Variants in EPHB1 observed in about 807,000 individuals in gnomAD.
EPHB1 encodes the protein ephrin type-B receptor 1.
EPHB1 carries 30 observed loss-of-function variants against 94.4 expected under a neutral mutation model. The observed-to-expected ratio is 0.32, with a 90% CI of 0.24 to 0.43. EPHB1 has a LOEUF of 0.43. Among genes scored for constraint, EPHB1 ranks in the 20% least tolerant of loss-of-function variants. The pLI is 1.00. For synonymous variants in EPHB1, 522 were observed against 489.1 expected (o/e 1.07, Z -0.89); for missense variants, 1,055 against 1,308.3 (o/e 0.81, Z 2.99).
rs1231609505 is a variant in EPHB1 at position 135,087,563 on chromosome 3, A to G, written c.806-18885A>G. ...TGCTGATGGGCAGCAGCCTGGCTGC[A>G]TCTGTCCCTAACATCCCATCCTGAA... On this transcript the variant is annotated intron_variant, in intron 3 of 15. Transcript: ENST00000398015. 3.7e-4 allele frequency among the ~76,000 whole-genome samples: 57 copies of G among 152,184 alleles called. 1 individual carries two copies. The highest frequency in any genetic ancestry group is 1.5e-5 in the Non-Finnish European group (1 of 68,040).
intron 1 of EPHB1, among the ~76,000 whole-genome samples, chr3:134,913,845 C>T (rs36206): frequency 0.64 from 98,006 of 152,164 alleles, 34,073 homozygotes; most frequent in African/African-American, 0.91. Flanking sequence ...TGCAGTTCCA[C>T]GTCTCAGTGT....
At position 135,249,335 on chromosome 3, in the gene EPHB1, G is replaced by T; in HGVS notation, c.2691-1G>T. 2.5e-6 allele frequency: 4 copies of T among 1,610,214 alleles called. No individual in the cohort carries two copies. Among genetic ancestry groups the T allele is most frequent in the Non-Finnish European group, 3.4e-6 (4 of 1,178,396 alleles). On this transcript the variant is annotated splice_acceptor_variant, in intron 14 of 15. Transcript: ENST00000398015. LOFTEE classifies it high-confidence loss of function. ...TCACCTGCCCATCTCTGTCTCACCA[G>T]GCCTTCCCAGCCCCTGCTCGACCGC...
chr3:135,144,752 G>T (rs1291761709), intron 5 of EPHB1, among the ~76,000 whole-genome samples: 1 of 152,104 alleles, frequency 6.6e-6, no homozygotes, highest in Admixed American at 6.5e-5. Context: ...GAGACTGAAG[G>T]CCAGGCATGA....
At chr3:135,231,833 C>T (rs1943537657) in intron 12 of EPHB1, among the ~76,000 whole-genome samples, 1 of 152,184 alleles carries the variant, frequency 6.6e-6, no homozygotes, top group Admixed American at 6.5e-5. Context: ...TCCAAAAGCT[C>T]ACCTGTTCCT....
intron 15 of EPHB1, among the ~76,000 whole-genome samples, chr3:135,256,808 G>A (rs984171776): frequency 5.3e-5 from 8 of 151,846 alleles, no homozygotes; most frequent in Non-Finnish European, 1.0e-4. Context: ...ATCCTGCAGC[G>A]TGTTTTCCAA....
chr3:135,069,073 C>T (rs1559817497), intron 3 of EPHB1, among the ~76,000 whole-genome samples: 1 of 149,244 alleles, frequency 6.7e-6, no homozygotes, highest in East Asian at 2.0e-4. Context: ...CCCAGTTTAC[C>T]TATTATTCCT....
At chr3:135,254,058 G>C in intron 15 of EPHB1, among the ~76,000 whole-genome samples, 1 of 106,166 alleles carries the variant, frequency 9.4e-6, no homozygotes, top group Admixed American at 1.0e-4. Flanking sequence ...TTTGTACATT[G>C]ATTTTGTATC....
rs1314536148 is a variant in EPHB1 at position 134,951,743 on chromosome 3, G to A, written c.496G>A (p.Gly166Arg). The A allele has an allele frequency of 6.2e-7, 1 of 1,613,938 alleles. No individual in the cohort carries two copies. Among genetic ancestry groups the A allele is most frequent in the Non-Finnish European group, 8.5e-7 (1 of 1,179,942 alleles). Residue 166 changes from glycine (G) to arginine (R), a missense_variant, in exon 3 of 16, where the codon GGG (glycine) becomes AGG (arginine). Coordinates refer to ENST00000398015, the MANE Select transcript of EPHB1 (RefSeq NM_004441.5). This position sits in a 1 kb window ranked among gnomAD's most constrained non-coding sequence, Gnocchi z 4.5. ...MKVNTEVRSFGPLTRNGFYLA... is the reference protein window; with the variant it reads ...MKVNTEVRSFRPLTRNGFYLA... ...GGTAAACACAGAAGTCAGGAGCTTT[G>A]GGCCTCTTACTCGGAATGGTTTTTA...
intron 3 of EPHB1, among the ~76,000 whole-genome samples, chr3:135,061,971 C>A (rs1281198760): frequency 1.3e-5 from 2 of 152,166 alleles, no homozygotes; most frequent in Non-Finnish European, 2.9e-5. Context: ...TGTGTATGTG[C>A]CATATTTTCT....
chr3:134,811,242 G>GGTTTTTTTTTTTTTTTT (rs2036168294), intron 1 of EPHB1, among the ~76,000 whole-genome samples: 3 of 73,896 alleles, frequency 4.1e-5, no homozygotes, highest in African/African-American at 1.3e-4. Context: ...TACTAAGAAG[G>GGTTTTTTTTTTTTTTTT]TTTTTTTTTT....
chr3:134,851,316 G>C (rs987953673), intron 1 of EPHB1, among the ~76,000 whole-genome samples: 2 of 152,190 alleles, frequency 1.3e-5, no homozygotes, highest in African/African-American at 4.8e-5. Context: ...GGGTCTTACT[G>C]TCAAATCCTT....
chr3:134,941,692 A>G (rs2039118264), intron 2 of EPHB1, among the ~76,000 whole-genome samples: 1 of 151,792 alleles, frequency 6.6e-6, no homozygotes, highest in South Asian at 2.1e-4. Flanking sequence ...AATGATTTTG[A>G]AAGGGGAACA....
At chr3:134,849,712 T>C (rs934400364) in intron 1 of EPHB1, among the ~76,000 whole-genome samples, 1 of 152,148 alleles carries the variant, frequency 6.6e-6, no homozygotes, top group African/African-American at 2.4e-5. Flanking sequence ...TCAGGAACCA[T>C]TTGTGCCAGC....
At chr3:134,939,017 C>A (rs2039064387) in intron 2 of EPHB1, among the ~76,000 whole-genome samples, 1 of 152,116 alleles carries the variant, frequency 6.6e-6, no homozygotes, top group Admixed American at 6.5e-5. Flanking sequence ...AAACCTCCTT[C>A]CTAGCAATCT....
At chr3:135,247,934 A>ATTGT (rs1943968225) in intron 13 of EPHB1, among the ~76,000 whole-genome samples, 1 of 152,160 alleles carries the variant, frequency 6.6e-6, no homozygotes, top group African/African-American at 2.4e-5. Flanking sequence ...CCCATGTGTC[A>ATTGT]TTGTTTCATC....
chr3:135,253,090 T>G (rs1370912846), intron 15 of EPHB1, among the ~76,000 whole-genome samples: 3 of 149,832 alleles, frequency 2.0e-5, no homozygotes, highest in African/African-American at 7.3e-5. Flanking sequence ...TTGTTTGAGT[T>G]CATTGTAGAT....
rs748569699 is a variant in EPHB1, at chr3:135,141,550, G to T, written c.1297+8501G>T. Among the ~76,000 whole-genome samples, 15 of 152,250 alleles carry T rather than the reference G, an allele frequency of 9.9e-5. 1 individual carries two copies. The highest frequency in any genetic ancestry group is 1.5e-4 in the Non-Finnish European group (10 of 68,012). ...TTTGCAGGAAGGGGCTTGCATGTAG[G>T]GAAGGAAGCTTGCTAGGAGGTGGGT... On this transcript the variant is annotated intron_variant, in intron 5 of 15. Coordinates refer to ENST00000398015, the MANE Select transcript of EPHB1 (RefSeq NM_004441.5).
At chr3:134,851,647 C>A (rs181474767) in intron 1 of EPHB1, among the ~76,000 whole-genome samples, 1 of 152,324 alleles carries the variant, frequency 6.6e-6, no homozygotes, top group African/African-American at 2.4e-5. Flanking sequence ...CTTGGGTGCC[C>A]TGACCTGTGG....
At chr3:134,978,254 T>G (rs190516046) in intron 3 of EPHB1, among the ~76,000 whole-genome samples, 90 of 152,312 alleles carry the variant, frequency 5.9e-4, no homozygotes, top group Middle Eastern at 3.4e-3. Flanking sequence ...TTGGGCTCTC[T>G]CTTGTCTTCC....
Sources: gnomAD v4.1 joint callset for allele counts (sites outside exome capture counted in the v4.1 genomes callset) on GRCh38, gnomAD v4.1.1 for gene constraint, Gnocchi (gnomAD v3.1) non-coding constraint, MANE v1.5 for transcripts, NCBI Gene and HGNC (gene_info 2026-07-23, HGNC 2026-07-21) for gene names.